PRRC2C: variants seen among roughly 807,000 people sequenced by gnomAD.
The protein encoded by PRRC2C is protein PRRC2C.
Under a neutral mutation model 317.2 loss-of-function variants are expected in PRRC2C, and 72 were observed. That is an observed-to-expected ratio of 0.23 (90% confidence interval 0.19 to 0.28). The LOEUF is 0.28. Ranked by LOEUF, PRRC2C falls within the 10% of genes least tolerant of loss-of-function variation. PRRC2C has a pLI of 1.00. For synonymous variants in PRRC2C, 1,296 were observed against 1,205.9 expected (o/e 1.07, Z -1.55); for missense variants, 3,074 against 3,459.7 (o/e 0.89, Z 2.80).
chr1:171,550,901 TATTGTGA>T (rs1375160226), intron 18 of PRRC2C, among the ~76,000 whole-genome samples: 1 of 152,214 alleles, frequency 6.6e-6, no homozygotes, highest in African/African-American at 2.4e-5. Context: ...AAGTCTTTGC[TATTGTGA>T]ATAGTGCCAC....
intron 1 of PRRC2C, among the ~76,000 whole-genome samples, chr1:171,497,699 G>A (rs964648875): frequency 4.6e-5 from 7 of 152,096 alleles, no homozygotes; most frequent in African/African-American, 1.7e-4. Flanking sequence ...GAACTCCTGG[G>A]CTCAAGTGGT....
chr1:171,565,317 A>G (rs2102705717), intron 20 of PRRC2C, among the ~76,000 whole-genome samples: 1 of 152,164 alleles, frequency 6.6e-6, no homozygotes, highest in South Asian at 2.1e-4. Context: ...TCTTAACCCT[A>G]TTTTGCTTTT....
At position 171,524,558 on chromosome 1, in the gene PRRC2C, T is replaced by C. The variant is rs952309170; in HGVS notation, c.1056-263T>C. On this transcript the variant is annotated intron_variant, in intron 9 of 34. Coordinates refer to ENST00000647382, the MANE Select transcript of PRRC2C (RefSeq NM_001387844.1). ...GATTGTATTTCTTATGTAGAGGAGA[T>C]AGGAAATGATGTGATTATATTCTTT... Among the ~76,000 whole-genome samples, 20 of 152,192 alleles carry C rather than the reference T, an allele frequency of 1.3e-4. 1 individual carries two copies. Among genetic ancestry groups the C allele is most frequent in the Admixed American group, 1.2e-3 (19 of 15,284 alleles).
At chr1:171,547,826 G>A (rs894792315) in intron 17 of PRRC2C, among the ~76,000 whole-genome samples, 2 of 151,444 alleles carry the variant, frequency 1.3e-5, no homozygotes, top group Non-Finnish European at 2.9e-5. Flanking sequence ...TGTATTTTTA[G>A]TAGCGACTTT....
intron 13 of PRRC2C, 74 bp downstream of exon 13, chr1:171,535,671 A>C: frequency 6.9e-7 from 1 of 1,440,682 alleles, no homozygotes; most frequent in Non-Finnish European, 9.5e-7. Context: ...GAAATTAGAC[A>C]TAAAACTGAT....
intron 18 of PRRC2C, among the ~76,000 whole-genome samples, chr1:171,555,009 G>C (rs1681075730): frequency 6.6e-6 from 1 of 152,222 alleles, no homozygotes; most frequent in South Asian, 2.1e-4. Flanking sequence ...ATGTTAGCCT[G>C]CCTTGCTAGG....
chr1:171,589,736 A>G (rs937822057), intron 34 of PRRC2C, 131 bp downstream of exon 34: 1 of 456,534 alleles, frequency 2.2e-6, no homozygotes, highest in African/African-American at 2.1e-5. Context: ...AACTACTTTT[A>G]TTCATTCCCC....
chr1:171,513,729 G>A (rs1671803373), intron 3 of PRRC2C, among the ~76,000 whole-genome samples: 1 of 151,932 alleles, frequency 6.6e-6, no homozygotes, highest in Non-Finnish European at 1.5e-5. Flanking sequence ...CCTAAATAGT[G>A]GTAATTTAAA....
At position 171,532,540 on chromosome 1, in the gene PRRC2C, G is replaced by C. The variant is rs200015770; in HGVS notation, c.1452G>C (p.Ala484=). 3 of 1,594,716 alleles carry C rather than the reference G, an allele frequency of 1.9e-6. No individual in the cohort carries two copies. The East Asian group carries it at 6.8e-5, about 36-fold the overall frequency. Residue 484 remains alanine (A), a synonymous_variant, in exon 12 of 35, where the codon GCG becomes GCC. Transcript: ENST00000647382. ...AAGAACAAAGGAAGGCAGCTTGTGC[G>C]GAGAAACTGAAACGATTGGATGAGA... ...RMEEQRKAAC[A]EKLKRLDEKL...
chr1:171,530,991 A>G (rs1675746701), intron 11 of PRRC2C, among the ~76,000 whole-genome samples: 1 of 152,232 alleles, frequency 6.6e-6, no homozygotes, highest in Non-Finnish European at 1.5e-5. Flanking sequence ...GAAGCAACCC[A>G]CGTGTCTATC....
chr1:171,489,172 A>G (rs771082771), intron 1 of PRRC2C, among the ~76,000 whole-genome samples: 25 of 152,228 alleles, frequency 1.6e-4, no homozygotes, highest in Non-Finnish European at 2.9e-4. Context: ...AGATTAACTG[A>G]TAAGTATATT....
intron 25 of PRRC2C, among the ~76,000 whole-genome samples, chr1:171,576,930 G>T (rs1036191192): frequency 1.3e-5 from 2 of 152,098 alleles, no homozygotes; most frequent in Non-Finnish European, 2.9e-5. Context: ...CTCAACATGT[G>T]CCAGTTTTTG....
intron 1 of PRRC2C, among the ~76,000 whole-genome samples, chr1:171,504,416 T>C (rs1288378129): frequency 6.6e-6 from 1 of 152,242 alleles, no homozygotes; most frequent in Admixed American, 6.5e-5. Context: ...AGGTTTTACA[T>C]TTTGTCTATG....
rs754976574 is a variant in PRRC2C, at chr1:171,513,100, A to G, written c.218A>G (p.Asp73Gly). 6.2e-7 allele frequency: 1 copy of G among 1,613,862 alleles called. No homozygotes were observed. The highest frequency in any genetic ancestry group is 8.5e-7 in the Non-Finnish European group (1 of 1,179,808). ...CTTAAAGCAGAAAACAAAGGCAATG[A>G]TCCTAATGTAAACATTGTACCTAAA... ...PSLKAENKGN[D>G]PNVNIVPKDG... is the part of the protein sequence containing the mutation. The change falls in exon 3 of 35, where the codon GAT becomes GGT. Residue 73 changes from aspartate to glycine, a missense_variant. Physicochemically the swap from Asp to Gly is moderately conservative, Grantham distance 94. This residue lies in a region of PRRC2C where 71 missense variants were observed against 118.9 expected (regional missense o/e 0.60). Transcript: ENST00000647382.
At chr1:171,589,191 G>A (rs1356015730) in intron 33 of PRRC2C, among the ~76,000 whole-genome samples, 178 bp from the exon 34 acceptor site, 1 of 151,988 alleles carries the variant, frequency 6.6e-6, no homozygotes, top group Non-Finnish European at 1.5e-5. Flanking sequence ...AACTCTCCAA[G>A]CATGGCCTGT....
intron 17 of PRRC2C, among the ~76,000 whole-genome samples, chr1:171,547,107 C>T (rs1163007824): frequency 6.6e-6 from 1 of 151,806 alleles, no homozygotes; most frequent in Admixed American, 6.6e-5. Flanking sequence ...CCTGTAAAAA[C>T]AAAACAAAAC....
rs1204035826 is a variant in PRRC2C, at chr1:171,557,525, G to C, written c.5413G>C (p.Ala1805Pro). ...VLASTSAPVPASPLAPVSASA... is the reference protein window; with the variant it reads ...VLASTSAPVPPSPLAPVSASA... ...GGCCTCAACCTCAGCTCCAGTTCCAGCCTCACCCTTAGCTCCAGTTTCAGC... is the reference window on the plus strand; with the variant it reads ...GGCCTCAACCTCAGCTCCAGTTCCACCCTCACCCTTAGCTCCAGTTTCAGC... Residue 1805 changes from alanine (A) to proline (P), a missense_variant, in exon 19 of 35, where the codon GCC becomes CCC. Around this residue, in one of 11 missense-constraint regions of PRRC2C, gnomAD observed 640 missense variants for 676.1 expected, o/e 0.95. Transcript: ENST00000647382. 1.3e-6 allele frequency: 2 copies of C among 1,551,532 alleles called. No individual in the cohort carries two copies. Among genetic ancestry groups the C allele is most frequent in the Non-Finnish European group, 1.7e-6 (2 of 1,146,956 alleles).
At chr1:171,514,190 A>G (rs985593973) in intron 3 of PRRC2C, among the ~76,000 whole-genome samples, 5 of 152,094 alleles carry the variant, frequency 3.3e-5, no homozygotes, top group African/African-American at 1.2e-4. Flanking sequence ...TTATACTGCT[A>G]TTTTTAATTA....
At chr1:171,514,730 G>A (rs1672019712) in intron 4 of PRRC2C, 85 bp downstream of exon 4, 1 of 1,169,168 alleles carries the variant, frequency 8.6e-7, no homozygotes, top group African/African-American at 1.5e-5. Flanking sequence ...ACTGTGTTTT[G>A]GTAGAGCCAT....
Sources: allele counts gnomAD v4.1 joint callset (sites outside exome capture counted in the v4.1 genomes callset), GRCh38; gene constraint gnomAD v4.1.1; regional missense constraint gnomAD v4.1.1; transcripts MANE v1.5; gene names NCBI Gene and HGNC (gene_info 2026-07-23, HGNC 2026-07-21).